KIF13B: variants seen among roughly 807,000 people sequenced by gnomAD.
KIF13B encodes the protein kinesin family member 13B.
Under a neutral mutation model 222.0 loss-of-function variants are expected in KIF13B, and 127 were observed. That is an observed-to-expected ratio of 0.57 (90% CI 0.50 to 0.66). KIF13B has a LOEUF of 0.66. Ranked by LOEUF, KIF13B falls within the 30% of genes least tolerant of loss-of-function variation. The pLI is 0.00. For missense variants in KIF13B, 2,173 were observed against 2,379.0 expected, an observed-to-expected ratio of 0.91 and a Z score of 1.80; for synonymous variants, 976 against 919.0, an observed-to-expected ratio of 1.06 and a Z score of -1.12.
At chr8:29,190,100 A>T (rs1813110274) in intron 4 of KIF13B, 1 of 152,186 alleles carries the variant, frequency 6.6e-6, no homozygotes, top group Non-Finnish European at 1.5e-5. Flanking sequence ...GGGGCATTTT[A>T]GCCTCAGGAA....
chr8:29,075,397 G>A (rs1807509907), intron 37 of KIF13B, 54 bp from the exon 38 acceptor site: 3 of 1,497,144 alleles, frequency 2.0e-6, no homozygotes, highest in Non-Finnish European at 2.7e-6. Flanking sequence ...AGGGGTAGCA[G>A]AAAGGTTTCC....
At chr8:29,153,873 C>T (rs1000684687) in intron 14 of KIF13B, among the ~76,000 whole-genome samples, 2 of 152,142 alleles carry the variant, frequency 1.3e-5, no homozygotes, top group African/African-American at 4.8e-5. Flanking sequence ...CCTCAACCTA[C>T]AGTATTTTAG....
chr8:29,179,647 C>G (rs537591340), intron 8 of KIF13B, among the ~76,000 whole-genome samples: 1 of 152,342 alleles, frequency 6.6e-6, no homozygotes, highest in South Asian at 2.1e-4. Flanking sequence ...GCCTGCTGCC[C>G]CTTTCTGGCT....
chr8:29,101,329 CTTAAT>C (rs1434942532), intron 35 of KIF13B, among the ~76,000 whole-genome samples: 2 of 152,156 alleles, frequency 1.3e-5, no homozygotes, highest in Non-Finnish European at 1.5e-5. Context: ...AGACAACTTA[CTTAAT>C]TTGAGAGTAT....
Position 29,132,462 on chromosome 8 carries a change from A to G in KIF13B, c.2788T>C (p.Phe930Leu). The change falls in exon 23 of 40, where the codon TTT (phenylalanine) becomes CTT (leucine). Residue 930 changes from phenylalanine (F) to leucine (L), a missense_variant. Around this residue, in one of 2 missense-constraint regions of KIF13B, gnomAD observed 1,480 missense variants for 1,722.8 expected, o/e 0.86. Transcript: ENST00000524189. ...CMVVFDHCNE[F>L]SVNITEDFIE... ...AAGTCTTCGGTGATGTTAACAGAAA[A>G]CTCCTGAAACACAACAGCTAATTAC... 1.3e-6 allele frequency: 2 copies of G among 1,495,368 alleles called. No homozygotes were observed. Among genetic ancestry groups the G allele is most frequent in the Middle Eastern group, 1.8e-4 (1 of 5,600 alleles). 92.6% of individuals were successfully genotyped at this position (1,495,368 alleles called of 1,614,324 possible).
At chr8:29,216,527 A>G (rs945908408) in intron 2 of KIF13B, among the ~76,000 whole-genome samples, 4 of 152,088 alleles carry the variant, frequency 2.6e-5, no homozygotes, top group Non-Finnish European at 5.9e-5. Context: ...TGAACCTGGG[A>G]GTAAAAGGTT....
chr8:29,076,706 A>C (rs1043174308), intron 37 of KIF13B, among the ~76,000 whole-genome samples: 2 of 152,196 alleles, frequency 1.3e-5, no homozygotes, highest in Non-Finnish European at 2.9e-5. Flanking sequence ...TTGGAAGAAA[A>C]GTATAAGAGG....
intron 24 of KIF13B, among the ~76,000 whole-genome samples, chr8:29,127,676 G>A (rs1044634177): frequency 1.3e-5 from 2 of 152,062 alleles, no homozygotes; most frequent in Non-Finnish European, 2.9e-5. Context: ...CTACATTTAC[G>A]AAACAATTTC....
chr8:29,110,848 T>C (rs555853460), intron 32 of KIF13B, among the ~76,000 whole-genome samples: 17 of 152,360 alleles, frequency 1.1e-4, no homozygotes, highest in African/African-American at 4.1e-4. Context: ...TCAGATACTT[T>C]ATTCACTTGT....
chr8:29,150,505 T>C, intron 14 of KIF13B, 122 bp from the exon 15 acceptor site: 1 of 579,346 alleles, frequency 1.7e-6, no homozygotes, highest in Non-Finnish European at 3.1e-6. Flanking sequence ...ACACAACCTG[T>C]TCTTGGTGAA....
intron 18 of KIF13B, among the ~76,000 whole-genome samples, chr8:29,142,800 C>T (rs1232555649): frequency 3.3e-5 from 5 of 152,072 alleles, no homozygotes; most frequent in Non-Finnish European, 7.4e-5. Context: ...AGTCTTGCCA[C>T]TGCACTCCAG....
chr8:29,167,379 T>G lies in KIF13B; in HGVS notation c.1152A>C (p.Lys384Asn). The change falls in exon 11 of 40, where the codon AAA (lysine) becomes AAC (asparagine). Residue 384 changes from lysine (K) to asparagine (N), a missense_variant. Lys to Asn is a moderately conservative substitution (Grantham distance 94). Around this residue, in one of 2 missense-constraint regions of KIF13B, gnomAD observed 1,480 missense variants for 1,722.8 expected, o/e 0.86. Coordinates refer to ENST00000524189, the MANE Select transcript of KIF13B (RefSeq NM_015254.4). Reference protein sequence around the residue: ...EVEKLREQLTKAEAMKSPELK... With the variant: ...EVEKLREQLTNAEAMKSPELK... ...ACGCGGTGGTGCCTCCTACCTCTGCTTTGGTCAGCTGCTCCCGGAGTTTCT... is the reference window on the plus strand; with the variant it reads ...ACGCGGTGGTGCCTCCTACCTCTGCGTTGGTCAGCTGCTCCCGGAGTTTCT... 1 of 1,612,106 alleles carries G rather than the reference T, an allele frequency of 6.2e-7. No homozygotes were observed. The highest frequency in any genetic ancestry group is 8.5e-7 in the Non-Finnish European group (1 of 1,179,556).
At position 29,245,346 on chromosome 8, in the gene KIF13B, C is replaced by G; in HGVS notation, c.149G>C (p.Arg50Pro). 1.3e-6 allele frequency: 2 copies of G among 1,583,192 alleles called. No individual in the cohort carries two copies. The highest frequency in any genetic ancestry group is 1.7e-6 in the Non-Finnish European group (2 of 1,160,366). ...VNTNLSKGDA[R>P]GQPKVFAYDH... Reference sequence around the variant, plus strand: ...AGCACAGCACTGTTTCTTAACTCACCGGGCATCTCCTTTGGAAAGATTCGT... The same window carrying G: ...AGCACAGCACTGTTTCTTAACTCACGGGGCATCTCCTTTGGAAAGATTCGT... Residue 50 changes from arginine to proline, a missense_variant and splice_region_variant, in exon 2 of 40, where the codon CGG (arginine) becomes CCG (proline). Around this residue, in one of 2 missense-constraint regions of KIF13B, gnomAD observed 1,480 missense variants for 1,722.8 expected, o/e 0.86. Transcript: ENST00000524189.
chr8:29,202,641 G>T (rs1813746454), intron 2 of KIF13B, among the ~76,000 whole-genome samples: 1 of 152,198 alleles, frequency 6.6e-6, no homozygotes. Flanking sequence ...ACTGTTTCAA[G>T]AGACAGCCAG....
intron 25 of KIF13B, among the ~76,000 whole-genome samples, chr8:29,126,797 C>T (rs1189822213): frequency 6.6e-6 from 1 of 152,090 alleles, no homozygotes; most frequent in Non-Finnish European, 1.5e-5. Context: ...CAAACACCTG[C>T]TGGCAAATAG....
chr8:29,262,897 G>T, intron 1 of KIF13B, 83 bp downstream of exon 1: 2 of 1,104,528 alleles, frequency 1.8e-6, no homozygotes, highest in Non-Finnish European at 2.5e-6. Flanking sequence ...CGGGGCCGCC[G>T]GACCCCCCAC....
intron 36 of KIF13B, among the ~76,000 whole-genome samples, chr8:29,096,989 T>C (rs1283175908): frequency 1.3e-5 from 2 of 151,910 alleles, no homozygotes; most frequent in Non-Finnish European, 2.9e-5. Context: ...ATGGAAGGGT[T>C]CGTGAAGCAT....
intron 8 of KIF13B, 33 bp from the exon 9 acceptor site, chr8:29,177,611 G>A: frequency 1.4e-6 from 2 of 1,390,692 alleles, no homozygotes; most frequent in Non-Finnish European, 1.0e-6. Context: ...CTAATCAACA[G>A]GAACACAGGG....
rs889271371 is a variant in KIF13B at position 29,095,986 on chromosome 8, G to GT, written c.4325-3109dup. Among the ~76,000 whole-genome samples, 636 of 139,200 alleles carry GT rather than the reference G, an allele frequency of 4.6e-3. 1 individual carries two copies. Among genetic ancestry groups the GT allele is most frequent in the African/African-American group, 9.8e-3 (369 of 37,724 alleles). The allele number at this position is 139,200 out of a possible 152,430, so 91.3% of individuals were successfully genotyped here. On this transcript the variant is annotated intron_variant, in intron 36 of 39. Transcript: ENST00000524189. The stretch of plus-strand genomic sequence containing the variant: ...TAGTGTTTTTTTTTGTTTGTTTTTT[G>GT]TTTTTTTTTTTTTAAGACAGAGTCT...
Sources: allele counts gnomAD v4.1 joint callset (sites outside exome capture counted in the v4.1 genomes callset), GRCh38; gene constraint gnomAD v4.1.1; regional missense constraint gnomAD v4.1.1; transcripts MANE v1.5; gene names NCBI Gene and HGNC (gene_info 2026-07-23, HGNC 2026-07-21).